POLR1C: variants seen among roughly 807,000 people sequenced by gnomAD.
POLR1C encodes RNA polymerase I and III subunit C.
Under a neutral mutation model 38.3 loss-of-function variants are expected in POLR1C, and 42 were observed. The ratio of observed to expected loss-of-function variants is 1.10; its 90% CI spans 0.86 to 1.42. The LOEUF is 1.42. Ranked by LOEUF, POLR1C falls within the 40% of genes most tolerant of loss-of-function variation. POLR1C has a pLI of 0.00. For synonymous variants in POLR1C, 163 were observed against 163.9 expected, an observed-to-expected ratio of 0.99 and a Z score of 0.04; for missense variants, 507 against 450.5, an observed-to-expected ratio of 1.13 and a Z score of -1.14.
At chr6:43,553,971 C>T (rs970947634) in intron 10 of POLR1C, among the ~76,000 whole-genome samples, 2 of 152,188 alleles carry the variant, frequency 1.3e-5, no homozygotes, top group Middle Eastern at 3.2e-3. Context: ...ATACAAAATA[C>T]TGCTTCACAT....
intron 3 of POLR1C, 122 bp from the exon 4 acceptor site, chr6:43,519,584 A>AAAC (rs1793030264): frequency 1.3e-6 from 2 of 1,500,196 alleles, no homozygotes; most frequent in Non-Finnish European, 9.3e-7. Context: ...CATTCTTTGT[A>AAAC]AATTTCTCAT....
At chr6:43,524,250 G>A (rs1793389932), downstream of POLR1C, among the ~76,000 whole-genome samples, 1 of 151,950 alleles carries the variant, frequency 6.6e-6, no homozygotes, top group Non-Finnish European at 1.5e-5. Context: ...TACTTGGGAG[G>A]CTGAGGCAGG....
At chr6:43,533,796 G>C (rs1310432610), downstream of POLR1C, 3 of 690,226 alleles carry the variant, frequency 4.3e-6, no homozygotes, top group East Asian at 1.2e-4. Context: ...GGTTGCACCA[G>C]TGCACTCTAG....
At chr6:43,548,742 G>A (rs569332960) in intron 9 of POLR1C, among the ~76,000 whole-genome samples, 26 of 150,608 alleles carry the variant, frequency 1.7e-4, no homozygotes, top group African/African-American at 6.3e-4. Context: ...AGATATATAT[G>A]TATATCTATA....
intron 9 of POLR1C, chr6:43,546,658 C>G: frequency 1.2e-6 from 2 of 1,613,810 alleles, no homozygotes; most frequent in Non-Finnish European, 1.7e-6. Flanking sequence ...GGATGTATAA[C>G]CCACCACAAA....
intron 9 of POLR1C, among the ~76,000 whole-genome samples, chr6:43,536,280 T>C (rs2127714000): frequency 6.6e-6 from 1 of 151,112 alleles, no homozygotes; most frequent in East Asian, 2.0e-4. Flanking sequence ...CCGGGTGTGG[T>C]GGTGCATGCC....
At chr6:43,554,684 A>T (rs868014042) in intron 10 of POLR1C, among the ~76,000 whole-genome samples, 12 of 152,040 alleles carry the variant, frequency 7.9e-5, no homozygotes, top group African/African-American at 2.9e-4. Flanking sequence ...CGGCCTCCTG[A>T]AGTGCTAGGA....
chr6:43,523,794 G>A (rs1430836474), downstream of POLR1C: 4 of 1,611,824 alleles, frequency 2.5e-6, no homozygotes, highest in African/African-American at 5.3e-5. Flanking sequence ...AGTGCAAGAA[G>A]GGCCTAGAGA....
At position 43,558,730 on chromosome 6, in the gene POLR1C, T is replaced by C. The variant is rs1307528929; in HGVS notation, c.*49-2670T>C. 26 of 614,850 alleles carry C rather than the reference T, an allele frequency of 4.2e-5. No individual in the cohort carries two copies. In the Admixed American group the frequency reaches 9.4e-4, roughly 22 times the overall value. 38.1% of individuals were successfully genotyped at this position (614,850 alleles called of 1,614,324 possible). A position where few individuals can be genotyped will look rare whatever the true frequency, so the allele number is the denominator to read the frequency against. On this transcript the variant is annotated intron_variant, in intron 10 of 10. Transcript: ENST00000607635. The stretch of plus-strand genomic sequence containing the variant: ...AGATATTGTATGGTAAATATCCACT[T>C]CAGTTCTATCACAGGTCCACAGTTT...
chr6:43,557,709 T>C lies in POLR1C; in HGVS notation c.*49-3691T>C, dbSNP rs114195696. Among the ~76,000 whole-genome samples, 1,070 of 128,160 alleles carry C rather than the reference T, an allele frequency of 8.3e-3. 14 individuals are homozygous for C. The highest frequency in any genetic ancestry group is 0.031 in the African/African-American group (1,037 of 33,654). 84.1% of individuals were successfully genotyped at this position (128,160 alleles called of 152,430 possible). ...TGATGGCTGCACAACTCTGTAAAAA[T>C]ACTAAAAACCATTAAATTATATACT... On this transcript the variant is annotated intron_variant, in intron 10 of 10. Transcript: ENST00000607635.
chr6:43,538,139 CTTTTTTTT>C (rs1160662301), intron 9 of POLR1C, among the ~76,000 whole-genome samples: 548 of 49,002 alleles, frequency 0.011, 1 homozygote, highest in Non-Finnish European at 0.014. Flanking sequence ...TAAGAGACAT[CTTTTTTTT>C]TTTTTTTTTT....
downstream of POLR1C, chr6:43,525,241 A>G: frequency 9.0e-6 from 14 of 1,553,150 alleles, no homozygotes; most frequent in Non-Finnish European, 1.2e-5. Flanking sequence ...GAAGAGTTAC[A>G]ATGGAAAAAG....
At chr6:43,555,998 A>G in intron 10 of POLR1C, 1 of 1,611,196 alleles carries the variant, frequency 6.2e-7, no homozygotes, top group Non-Finnish European at 8.5e-7. Context: ...AAGGACAGGA[A>G]TCAATAACTG....
chr6:43,518,660 C>G (rs1282989340), intron 2 of POLR1C, among the ~76,000 whole-genome samples: 2 of 152,038 alleles, frequency 1.3e-5, no homozygotes, highest in Admixed American at 1.3e-4. Context: ...AGCTCAGAAA[C>G]CAGGGGAATA....
intron 10 of POLR1C, chr6:43,561,090 A>C (rs1425685837): frequency 4.4e-6 from 5 of 1,132,262 alleles, no homozygotes; most frequent in African/African-American, 1.6e-5. Context: ...AAAACAGATA[A>C]ATTAAACCCT....
intron 2 of POLR1C, 86 bp downstream of exon 2, chr6:43,517,463 C>T: frequency 8.7e-7 from 1 of 1,151,168 alleles, no homozygotes; most frequent in Non-Finnish European, 1.3e-6. Flanking sequence ...AGAAGCTGCT[C>T]TTGGGGGTCG....
At chr6:43,533,054 G>C (rs1794082783), downstream of POLR1C, among the ~76,000 whole-genome samples, 1 of 152,174 alleles carries the variant, frequency 6.6e-6, no homozygotes, top group Non-Finnish European at 1.5e-5. Context: ...AGAATCACTT[G>C]AACCTGGAAG....
chr6:43,543,261 TC>T (rs1166461808), intron 9 of POLR1C, among the ~76,000 whole-genome samples: 1 of 152,114 alleles, frequency 6.6e-6, no homozygotes, highest in African/African-American at 2.4e-5. Context: ...AAGACTAGCC[TC>T]AGCAACATAG....
At chr6:43,517,606 G>A (rs535495881) in intron 2 of POLR1C, among the ~76,000 whole-genome samples, 83 of 152,302 alleles carry the variant, frequency 5.4e-4, no homozygotes, top group Non-Finnish European at 8.1e-4. Context: ...TGAATCTAGT[G>A]TAATATGGTG....
Sources: gnomAD v4.1 joint callset for allele counts (sites outside exome capture counted in the v4.1 genomes callset) on GRCh38, gnomAD v4.1.1 for gene constraint, MANE v1.5 for transcripts, NCBI Gene and HGNC (gene_info 2026-07-23, HGNC 2026-07-21) for gene names.